BLOC1S5: variants seen among roughly 807,000 people sequenced by gnomAD.
BLOC1S5 encodes biogenesis of lysosome-related organelles complex 1 subunit 5.
BLOC1S5 carries 27 observed loss-of-function variants against 24.3 expected under a neutral mutation model. The ratio of observed to expected loss-of-function variants is 1.11; its 90% CI spans 0.82 to 1.53. The LOEUF (loss-of-function observed/expected upper bound fraction) is 1.53. Among genes scored for constraint, BLOC1S5 ranks in the 40% most tolerant of loss-of-function variants. The pLI, the probability that BLOC1S5 is intolerant of heterozygous loss-of-function variation, is 0.00. For synonymous variants in BLOC1S5, 84 were observed against 74.5 expected, an observed-to-expected ratio of 1.13 and a Z score of -0.66; for missense variants, 239 against 229.4, an observed-to-expected ratio of 1.04 and a Z score of -0.27.
chr6:8,053,903 A>T (rs1764221803), intron 2 of BLOC1S5, among the ~76,000 whole-genome samples: 1 of 152,160 alleles, frequency 6.6e-6, no homozygotes, highest in Non-Finnish European at 1.5e-5. Context: ...TTATGTTTAC[A>T]CTAACACAGA....
At chr6:8,032,289 A>G (rs1378191451) in intron 3 of BLOC1S5, among the ~76,000 whole-genome samples, 1 of 152,298 alleles carries the variant, frequency 6.6e-6, no homozygotes, top group East Asian at 1.9e-4. Context: ...TGCCATCAAA[A>G]ATGGGCTAAG....
At chr6:8,038,084 T>C (rs2142958) in intron 3 of BLOC1S5, among the ~76,000 whole-genome samples, 31,269 of 152,184 alleles carry the variant, frequency 0.21, 3,529 homozygotes, top group African/African-American at 0.29. Context: ...CTCCAGGACA[T>C]TGGTCTGGGC....
chr6:8,039,641 A>G (rs1763613132), intron 3 of BLOC1S5, among the ~76,000 whole-genome samples: 1 of 150,454 alleles, frequency 6.6e-6, no homozygotes, highest in Non-Finnish European at 1.5e-5. Context: ...AAAAAAAAAA[A>G]GAAAATAATT....
chr6:8,032,067 T>C (rs924312374), intron 3 of BLOC1S5, among the ~76,000 whole-genome samples: 6 of 152,046 alleles, frequency 3.9e-5, no homozygotes, highest in Non-Finnish European at 8.8e-5. Context: ...GAGCAGAGAC[T>C]TCATGACCAA....
chr6:8,047,211 ATT>A (rs113086214), intron 2 of BLOC1S5, among the ~76,000 whole-genome samples: 4,266 of 126,282 alleles, frequency 0.034, 214 homozygotes, highest in African/African-American at 0.11. Context: ...GTCAACAGTA[ATT>A]TTTTTTTTTT....
intron 2 of BLOC1S5, among the ~76,000 whole-genome samples, chr6:8,050,404 A>G (rs1428751658): frequency 6.6e-6 from 1 of 152,094 alleles, no homozygotes; most frequent in Non-Finnish European, 1.5e-5. Context: ...ATTCCCTGTG[A>G]CACACTGAAA....
chr6:8,022,896 TA>T (rs1199205010), intron 4 of BLOC1S5, among the ~76,000 whole-genome samples: 1 of 152,192 alleles, frequency 6.6e-6, no homozygotes, highest in African/African-American at 2.4e-5. Flanking sequence ...AAACTCTATT[TA>T]AAACAATGTA....
chr6:8,014,595 A>G lies in BLOC1S5; in HGVS notation c.*1054T>C, dbSNP rs1205228150. On this transcript the variant is annotated 3_prime_UTR_variant, in exon 5 of 5. Coordinates refer to ENST00000397457, the MANE Select transcript of BLOC1S5 (RefSeq NM_201280.3). Reference sequence around the variant, plus strand: ...AGCCTCAAATTAGACTGTTAAATGCAGGTTTTTAAAGATCACAGTGATGAC... The same window carrying G: ...AGCCTCAAATTAGACTGTTAAATGCGGGTTTTTAAAGATCACAGTGATGAC... 1 of 152,132 alleles carries G rather than the reference A, an allele frequency of 6.6e-6. No homozygotes were observed. Among genetic ancestry groups the G allele is most frequent in the East Asian group, 1.9e-4 (1 of 5,198 alleles). The allele number at this position is 152,132 out of a possible 1,614,324, so 9.4% of individuals were successfully genotyped here.
intron 2 of BLOC1S5, among the ~76,000 whole-genome samples, chr6:8,041,638 ACTTT>A (rs200277152): frequency 8.7e-6 from 1 of 114,884 alleles, no homozygotes; most frequent in African/African-American, 3.6e-5. Context: ...CTTAGTAATT[ACTTT>A]CTTTCTTTCT....
chr6:8,053,984 T>C (rs1764225050), intron 2 of BLOC1S5, among the ~76,000 whole-genome samples: 1 of 117,854 alleles, frequency 8.5e-6, no homozygotes, highest in Non-Finnish European at 2.0e-5. Flanking sequence ...AATGCTAACA[T>C]GATGCTCAAA....
chr6:8,041,311 C>CAT, intron 2 of BLOC1S5, 43 bp from the exon 3 acceptor site: 1 of 771,494 alleles, frequency 1.3e-6, no homozygotes, highest in Non-Finnish European at 1.7e-6. Flanking sequence ...GGTGTCTTTT[C>CAT]CTTTTTTTTT....
chr6:8,064,405 C>A, upstream of BLOC1S5: 4 of 1,585,082 alleles, frequency 2.5e-6, no homozygotes, highest in Non-Finnish European at 3.4e-6. Flanking sequence ...CCCGCGGCCA[C>A]GCTGCGCCTG....
At chr6:8,048,273 T>C (rs190226611) in intron 2 of BLOC1S5, among the ~76,000 whole-genome samples, 93 of 152,300 alleles carry the variant, frequency 6.1e-4, no homozygotes, top group Non-Finnish European at 1.1e-3. Flanking sequence ...TGCTCCAGGT[T>C]CATCCTCTCC....
intron 4 of BLOC1S5, among the ~76,000 whole-genome samples, chr6:8,024,297 G>A (rs1425947905): frequency 1.3e-5 from 2 of 151,756 alleles, no homozygotes; most frequent in African/African-American, 4.8e-5. Context: ...AGGCCGAGGC[G>A]GGTGGATCAT....
At chr6:8,053,641 T>C (rs1764208953) in intron 2 of BLOC1S5, among the ~76,000 whole-genome samples, 1 of 152,254 alleles carries the variant, frequency 6.6e-6, no homozygotes, top group Non-Finnish European at 1.5e-5. Flanking sequence ...ACTTGCTTTA[T>C]TGCAATATTC....
intron 3 of BLOC1S5, among the ~76,000 whole-genome samples, chr6:8,034,444 C>T (rs1763417286): frequency 6.6e-6 from 1 of 152,156 alleles, no homozygotes; most frequent in Admixed American, 6.5e-5. Flanking sequence ...CCCTTGGACA[C>T]AGGGCAGGGA....
intron 2 of BLOC1S5, among the ~76,000 whole-genome samples, chr6:8,060,387 T>C (rs1229328143): frequency 6.6e-6 from 1 of 152,192 alleles, no homozygotes; most frequent in Non-Finnish European, 1.5e-5. Flanking sequence ...GATTTTTAAG[T>C]AGAGCCAAGG....
chr6:8,017,631 A>G (rs1283744097), intron 4 of BLOC1S5, among the ~76,000 whole-genome samples: 6 of 152,206 alleles, frequency 3.9e-5, no homozygotes, highest in Non-Finnish European at 8.8e-5. Flanking sequence ...AGGGCTGAAT[A>G]AGCCAATGTG....
intron 4 of BLOC1S5, 140 bp from the exon 5 acceptor site, chr6:8,015,968 GACACA>G: frequency 1.4e-6 from 1 of 696,612 alleles, no homozygotes; most frequent in Admixed American, 3.2e-5. Context: ...AAAAAAAGAT[GACACA>G]TTAGAAACAT....
Sources: allele counts gnomAD v4.1 joint callset (sites outside exome capture counted in the v4.1 genomes callset), GRCh38; gene constraint gnomAD v4.1.1; transcripts MANE v1.5; gene names NCBI Gene and HGNC (gene_info 2026-07-23, HGNC 2026-07-21).